The following ZIC5 variants were observed in gnomAD, a reference collection of about 807,000 sequenced individuals.
ZIC5 encodes the protein Zic family zinc finger 5, also known as zinc finger protein ZIC 5.
A neutral mutation model predicts 28.5 loss-of-function variants in ZIC5; 20 were observed. The observed-to-expected ratio is 0.70, with a 90% CI of 0.49 to 1.02. The LOEUF is 1.02. Ranked by LOEUF, ZIC5 falls within the 50% of genes least tolerant of loss-of-function variation. The probability of loss-of-function intolerance (pLI) is 0.00; values close to 1 mark genes in which losing one functional copy is unlikely to be tolerated. For missense variants in ZIC5, 951 were observed against 899.7 expected, an observed-to-expected ratio of 1.06 and a Z score of -0.73; for synonymous variants, 488 against 410.4, an observed-to-expected ratio of 1.19 and a Z score of -2.29.
At position 99,970,142 on chromosome 13, in the gene ZIC5, T is replaced by G. The variant is rs1264284459; in HGVS notation, c.1462A>C (p.Lys488Gln). Residue 488 changes from lysine to glutamine, a missense_variant, in exon 1 of 2, where the codon AAG becomes CAG. Transcript: ENST00000267294. ...AGACACCCACCTGTATGAGTACGCT[T>G]GTGGATCTTGAGGTTCTCGGAGCGC... ...FARSENLKIH[K>Q]RTHTGEKPFK... 2 of 1,600,506 alleles carry G rather than the reference T, an allele frequency of 1.2e-6. No homozygotes were observed. Among genetic ancestry groups the G allele is most frequent in the African/African-American group, 2.8e-5 (2 of 70,656 alleles).
Position 99,971,477 on chromosome 13 carries a change from G to T in ZIC5, c.127C>A (p.Gln43Lys). 1 of 1,550,082 alleles carries T rather than the reference G, an allele frequency of 6.5e-7. No individual in the cohort carries two copies. Among genetic ancestry groups the T allele is most frequent in the Non-Finnish European group, 8.7e-7 (1 of 1,146,774 alleles). ...AGGTGCGCGACGGCGGCCCGGAGTTGGGAGTGGGCGGGCGGGCCGGCCAGC... is the reference window on the plus strand; with the variant it reads ...AGGTGCGCGACGGCGGCCCGGAGTTTGGAGTGGGCGGGCGGGCCGGCCAGC... ...PALAGPPAHSQLRAAVAHLRL... is the reference protein window; with the variant it reads ...PALAGPPAHSKLRAAVAHLRL... Residue 43 changes from glutamine to lysine, a missense_variant, in exon 1 of 2, where the codon CAA (glutamine) becomes AAA (lysine). Physicochemically the swap from Gln to Lys is moderately conservative, Grantham distance 53 (BLOSUM62 1). Around this residue, in one of 3 missense-constraint regions of ZIC5, gnomAD observed 784 missense variants for 660.1 expected, o/e 1.19. Coordinates refer to ENST00000267294, the MANE Select transcript of ZIC5 (RefSeq NM_033132.5).
intron 1 of ZIC5, among the ~76,000 whole-genome samples, chr13:99,968,022 G>A (rs541902259): frequency 6.6e-6 from 1 of 152,348 alleles, no homozygotes; most frequent in East Asian, 1.9e-4. Context: ...TCCCTCTCCC[G>A]AGAGAGCGCG....
chr13:99,965,526 G>T lies in ZIC5; in HGVS notation c.1771C>A (p.Pro591Thr). The T allele has an allele frequency of 6.2e-7, 1 of 1,613,704 alleles. No individual in the cohort carries two copies. Among genetic ancestry groups the T allele is most frequent in the Non-Finnish European group, 8.5e-7 (1 of 1,179,828 alleles). Residue 591 changes from proline (P) to threonine (T), a missense_variant, in exon 2 of 2, where the codon CCT becomes ACT. Around this residue, in one of 3 missense-constraint regions of ZIC5, gnomAD observed 108 missense variants for 118.4 expected, o/e 0.91. Coordinates refer to ENST00000267294, the MANE Select transcript of ZIC5 (RefSeq NM_033132.5). ...CACTCATTGAGGTTGGTCACCTGAG[G>T]GGACAGAGTGCTGGAGTGACTCCTG... Reference protein sequence around the residue: ...PARSHSSTLSPQVTNLNEWYV... With the variant: ...PARSHSSTLSTQVTNLNEWYV...
At position 99,963,336 on chromosome 13, in the gene ZIC5, C is replaced by T. The variant is rs1566394105; in HGVS notation, c.*2041G>A. On this transcript the variant is annotated 3_prime_UTR_variant, in exon 2 of 2. Transcript: ENST00000267294. ...TAAATTATCCCCCCAAAAGTTCATA[C>T]CTTTTCTATTTGAAAGGGCTTTGAA... The T allele has an allele frequency of 1.3e-5, 2 of 152,450 alleles. No individual in the cohort carries two copies. Among genetic ancestry groups the T allele is most frequent in the Admixed American group, 1.3e-4 (2 of 15,256 alleles). The allele number at this position is 152,450 out of a possible 1,614,324, so 9.4% of individuals were successfully genotyped here.
intron 1 of ZIC5, among the ~76,000 whole-genome samples, chr13:99,969,255 A>G (rs930700485): frequency 6.6e-5 from 10 of 152,056 alleles, no homozygotes; most frequent in Non-Finnish European, 1.3e-4. Flanking sequence ...CACCAATTCC[A>G]CGACAGGGTA....
At chr13:99,969,775 G>C (rs1028920184) in intron 1 of ZIC5, among the ~76,000 whole-genome samples, 1 of 152,182 alleles carries the variant, frequency 6.6e-6, no homozygotes, top group African/African-American at 2.4e-5. Context: ...CGACCGTCCT[G>C]GGCGCCTTCC....
At position 99,971,072 on chromosome 13, in the gene ZIC5, C is replaced by T. The variant is rs757186144; in HGVS notation, c.532G>A (p.Asp178Asn). The T allele has an allele frequency of 3.5e-6, 5 of 1,432,646 alleles. No homozygotes were observed. Among genetic ancestry groups the T allele is most frequent in the Non-Finnish European group, 4.5e-6 (5 of 1,104,176 alleles). 88.7% of individuals were successfully genotyped at this position (1,432,646 alleles called of 1,614,324 possible). A position where few individuals can be genotyped will look rare whatever the true frequency, so the allele number is the denominator to read the frequency against. Residue 178 changes from aspartate (D) to asparagine (N), a missense_variant, in exon 1 of 2, where the codon GAC becomes AAC. Physicochemically the swap from Asp to Asn is conservative, Grantham distance 23. This residue lies in a region of ZIC5 where 784 missense variants were observed against 660.1 expected (regional missense o/e 1.19). Coordinates refer to ENST00000267294, the MANE Select transcript of ZIC5 (RefSeq NM_033132.5). The stretch of plus-strand genomic sequence containing the variant: ...GCCGCGGGGGCCGTGGCGGAAAGGT[C>T]CCTCCGGAGGACGAAGTCCCTGCTG... The part of the protein sequence containing the change: ...GHSRDFVLRR[D>N]LSATAPAAAM...
At chr13:99,971,784 C>T, upstream of ZIC5, 1 of 1,415,072 alleles carries the variant, frequency 7.1e-7, no homozygotes, top group Non-Finnish European at 9.7e-7. Flanking sequence ...CACATTTGAG[C>T]TGCACAGTGG....
rs765406859 is a variant in ZIC5 at position 99,964,013 on chromosome 13, C to T, written c.*1364G>A. 2 of 152,564 alleles carry T rather than the reference C, an allele frequency of 1.3e-5. No individual in the cohort carries two copies. Among genetic ancestry groups the T allele is most frequent in the South Asian group, 2.1e-4 (1 of 4,828 alleles). The allele number at this position is 152,564 out of a possible 1,614,324, so 9.5% of individuals were successfully genotyped here. A position where few individuals can be genotyped will look rare whatever the true frequency, so the allele number is the denominator to read the frequency against. On this transcript the variant is annotated 3_prime_UTR_variant, in exon 2 of 2. Transcript: ENST00000267294. The stretch of plus-strand genomic sequence containing the variant: ...TGTGTTGTACCAACCGAAAATAAAT[C>T]GACTAAGAGTTATTGTCCTAGGTCC...
rs1299399544 is a variant in ZIC5 at position 99,970,625 on chromosome 13, G to T, written c.979C>A (p.Leu327Met). 2.8e-6 allele frequency: 3 copies of T among 1,070,146 alleles called. No homozygotes were observed. The East Asian group carries it at 2.5e-4, about 90-fold the overall frequency. 66.3% of individuals were successfully genotyped at this position (1,070,146 alleles called of 1,614,324 possible). The change falls in exon 1 of 2, where the codon CTG becomes ATG. Residue 327 changes from leucine (L) to methionine (M), a missense_variant. Transcript: ENST00000267294. Reference protein sequence around the residue: ...AAAAAGPGPHLQHHAPPPAPP... With the variant: ...AAAAAGPGPHMQHHAPPPAPP... ...GCCGGGGGCGGCGCGTGGTGCTGCA[G>T]GTGGGGCCCGGGCCCGGCCGCTGCT...
At chr13:99,966,801 ATACT>A (rs1159226635) in intron 1 of ZIC5, among the ~76,000 whole-genome samples, 1 of 152,214 alleles carries the variant, frequency 6.6e-6, no homozygotes, top group African/African-American at 2.4e-5. Flanking sequence ...GGAAATGGAA[ATACT>A]TAATAAGACA....
intron 1 of ZIC5, among the ~76,000 whole-genome samples, chr13:99,968,352 G>A (rs2053116733): frequency 6.6e-6 from 1 of 152,184 alleles, no homozygotes; most frequent in Non-Finnish European, 1.5e-5. Context: ...GCCGGGAGGG[G>A]GCAGGAAATG....
rs1460292034 is a variant in ZIC5 at position 99,964,169 on chromosome 13, A to G, written c.*1208T>C. The G allele has an allele frequency of 3.3e-5, 5 of 152,238 alleles. No homozygotes were observed. The highest frequency in any genetic ancestry group is 1.2e-4 in the African/African-American group (5 of 41,442). The allele number at this position is 152,238 out of a possible 1,614,324, so 9.4% of individuals were successfully genotyped here. A position where few individuals can be genotyped will look rare whatever the true frequency, so the allele number is the denominator to read the frequency against. On this transcript the variant is annotated 3_prime_UTR_variant, in exon 2 of 2. Transcript: ENST00000267294. ...TCCCTCCCCTCTTTTAATGTAAATC[A>G]TACACTTCACACACTGTCATTTTCA...
In ZIC5 at chr13:99,963,336, C is replaced by A. The variant is rs1566394105; in HGVS notation, c.*2041G>T. 1 of 152,450 alleles carries A rather than the reference C, an allele frequency of 6.6e-6. No individual in the cohort carries two copies. The highest frequency in any genetic ancestry group is 1.5e-5 in the Non-Finnish European group (1 of 68,000). The allele number at this position is 152,450 out of a possible 1,614,324, so 9.4% of individuals were successfully genotyped here. On this transcript the variant is annotated 3_prime_UTR_variant, in exon 2 of 2. Transcript: ENST00000267294. Reference sequence around the variant, plus strand: ...TAAATTATCCCCCCAAAAGTTCATACCTTTTCTATTTGAAAGGGCTTTGAA... The same window carrying A: ...TAAATTATCCCCCCAAAAGTTCATAACTTTTCTATTTGAAAGGGCTTTGAA...
intron 1 of ZIC5, among the ~76,000 whole-genome samples, chr13:99,968,346 G>T (rs371556242): frequency 6.6e-6 from 1 of 152,296 alleles, no homozygotes; most frequent in South Asian, 2.1e-4. Flanking sequence ...GCGGCCGCCG[G>T]GAGGGGGCAG....
rs532287066 is a variant in ZIC5 at position 99,970,583 on chromosome 13, C to CCGG, written c.1018_1020dup (p.Pro340dup). On this transcript the variant is annotated inframe_insertion, in exon 1 of 2. Transcript: ENST00000267294. The stretch of plus-strand genomic sequence containing the variant: ...TGCTGGTGCGGGTGCTGCGCGGGCG[C>CCGG]CGGCGGCGGCGGCGGCGCCGGGGGC... The CCGG allele has an allele frequency of 0.033, 32,270 of 992,070 alleles. 542 individuals are homozygous for CCGG. Among genetic ancestry groups the CCGG allele is most frequent in the Middle Eastern group, 0.036 (71 of 1,958 alleles). 61.5% of individuals were successfully genotyped at this position (992,070 alleles called of 1,614,324 possible).
In ZIC5 at chr13:99,970,700, C is replaced by T. The variant is rs895564798; in HGVS notation, c.904G>A (p.Gly302Ser). The change falls in exon 1 of 2, where the codon GGC becomes AGC. Residue 302 changes from glycine (G) to serine (S), a missense_variant. Around this residue, in one of 3 missense-constraint regions of ZIC5, gnomAD observed 784 missense variants for 660.1 expected, o/e 1.19. Coordinates refer to ENST00000267294, the MANE Select transcript of ZIC5 (RefSeq NM_033132.5). The stretch of plus-strand genomic sequence containing the variant: ...AGGTTTAAGTTCACGGCTCCGTAGC[C>T]GTGCAGGGCGGCCGCCGCTGCGGCC... ...VAAAAAAALH[G>S]YGAVNLNLNL... The T allele has an allele frequency of 4.2e-6, 5 of 1,183,800 alleles. No homozygotes were observed. The highest frequency in any genetic ancestry group is 5.2e-6 in the Non-Finnish European group (5 of 953,022). 73.3% of individuals were successfully genotyped at this position (1,183,800 alleles called of 1,614,324 possible). A position where few individuals can be genotyped will look rare whatever the true frequency, so the allele number is the denominator to read the frequency against.
At position 99,971,485 on chromosome 13, in the gene ZIC5, G is replaced by C; in HGVS notation, c.119C>G (p.Ala40Gly). 1 of 1,550,376 alleles carries C rather than the reference G, an allele frequency of 6.5e-7. No homozygotes were observed. Among genetic ancestry groups the C allele is most frequent in the Non-Finnish European group, 8.7e-7 (1 of 1,146,882 alleles). ...TGFPALAGPP[A>G]HSQLRAAVAH... is the part of the protein sequence containing the mutation. ...GACGGCGGCCCGGAGTTGGGAGTGG[G>C]CGGGCGGGCCGGCCAGCGCCGGGAA... is the stretch of plus-strand genomic sequence containing the variant. The change falls in exon 1 of 2, where the codon GCC becomes GGC. Residue 40 changes from alanine to glycine, a missense_variant. Coordinates refer to ENST00000267294, the MANE Select transcript of ZIC5 (RefSeq NM_033132.5).
At position 99,965,146 on chromosome 13, in the gene ZIC5, G is replaced by C. The variant is rs137963049; in HGVS notation, c.*231C>G. ...CTCCTGCAATGTACAAGTCCAGCTT[G>C]GTTGTTTTTTGTTTGTTTTTTAAGA... On this transcript the variant is annotated 3_prime_UTR_variant, in exon 2 of 2. Transcript: ENST00000267294. 28 of 252,014 alleles carry C rather than the reference G, an allele frequency of 1.1e-4. No homozygotes were observed. The East Asian group carries it at 2.3e-3, about 21-fold the overall frequency. The allele number at this position is 252,014 out of a possible 1,614,324, so 15.6% of individuals were successfully genotyped here.
Sources: gnomAD v4.1 joint callset for allele counts (sites outside exome capture counted in the v4.1 genomes callset) on GRCh38, gnomAD v4.1.1 for gene constraint, gnomAD v4.1.1 regional missense constraint, MANE v1.5 for transcripts, NCBI Gene and HGNC (gene_info 2026-07-23, HGNC 2026-07-21) for gene names.